GPHN: variants seen among roughly 807,000 people sequenced by gnomAD.
GPHN encodes the protein gephyrin.
A neutral mutation model predicts 95.5 loss-of-function variants in GPHN; 17 were observed. The ratio of observed to expected loss-of-function variants is 0.18; its 90% confidence interval spans 0.12 to 0.27. The LOEUF is 0.27. Among genes scored for constraint, GPHN ranks in the 10% least tolerant of loss-of-function variants. GPHN has a pLI of 1.00. For missense variants in GPHN, 660 were observed against 978.1 expected (o/e 0.67, Z 4.34); for synonymous variants, 320 against 322.5 (o/e 0.99, Z 0.08).
At chr14:67,648,210 G>GTT in the GPHN span, 1 of 1,604,524 alleles carries the variant, frequency 6.2e-7, no homozygotes, top group Non-Finnish European at 8.5e-7. Flanking sequence ...TCTGCAGCCT[G>GTT]TTAACTACAT....
At chr14:66,678,783 C>T (rs1208222890) in intron 1 of GPHN, among the ~76,000 whole-genome samples, 1 of 152,016 alleles carries the variant, frequency 6.6e-6, no homozygotes, top group African/African-American at 2.4e-5. Flanking sequence ...AGTGTTTTGG[C>T]TTTGGTTCAG....
chr14:66,620,277 G>A (rs2063236620), intron 1 of GPHN, among the ~76,000 whole-genome samples: 1 of 152,158 alleles, frequency 6.6e-6, no homozygotes, highest in Admixed American at 6.5e-5. Flanking sequence ...GAGGATACAG[G>A]CCTTTAGGTA....
intron 3 of GPHN, among the ~76,000 whole-genome samples, chr14:66,779,574 T>G (rs17103708): frequency 6.6e-6 from 1 of 152,092 alleles, no homozygotes; most frequent in East Asian, 1.9e-4. Flanking sequence ...CTGATGAAGA[T>G]AAACCAAGAG....
chr14:67,728,048 T>A, the GPHN span: 1 of 152,242 alleles, frequency 6.6e-6, no homozygotes. Flanking sequence ...CTCCCCTGAC[T>A]TCATCTTCTC....
At chr14:67,678,568 C>T in the GPHN span, 8 of 580,258 alleles carry the variant, frequency 1.4e-5, no homozygotes, top group Non-Finnish European at 2.5e-5. Context: ...CTTATCTCTT[C>T]ATTCTCCAGT....
intron 2 of GPHN, among the ~76,000 whole-genome samples, chr14:66,721,206 A>G (rs1398870938): frequency 6.6e-6 from 1 of 152,206 alleles, no homozygotes; most frequent in African/African-American, 2.4e-5. Context: ...ACTTTGGCCT[A>G]TATCAGATTG....
chr14:66,716,565 T>C (rs537555292), intron 2 of GPHN, among the ~76,000 whole-genome samples: 2 of 152,054 alleles, frequency 1.3e-5, no homozygotes, highest in African/African-American at 4.8e-5. Flanking sequence ...CCTTGGTTTT[T>C]TGTTTTGTTT....
At chr14:67,726,563 G>A in the GPHN span, among the ~76,000 whole-genome samples, 3 of 152,296 alleles carry the variant, frequency 2.0e-5, no homozygotes, top group African/African-American at 7.2e-5. Flanking sequence ...TACGAGGCAG[G>A]GTGGGGTTCA....
intron 1 of GPHN, among the ~76,000 whole-genome samples, chr14:66,598,924 A>G (rs1250960266): frequency 2.0e-5 from 3 of 151,736 alleles, no homozygotes; most frequent in African/African-American, 4.8e-5. Context: ...ACACTGGGAT[A>G]GTTTGGGAGG....
At chr14:67,495,494 T>C in the GPHN span, among the ~76,000 whole-genome samples, 8 of 152,290 alleles carry the variant, frequency 5.3e-5, no homozygotes, top group Admixed American at 5.2e-4. Flanking sequence ...GGATTTTTTT[T>C]TTTTTCAGAT....
chr14:67,429,591 C>T, the GPHN span, among the ~76,000 whole-genome samples: 7 of 151,922 alleles, frequency 4.6e-5, no homozygotes, highest in East Asian at 1.4e-3. Flanking sequence ...CAAAAATTGG[C>T]AAGGTGTGAT....
At chr14:67,585,791 T>G in the GPHN span, 1 of 1,001,188 alleles carries the variant, frequency 1.0e-6, no homozygotes, top group African/African-American at 1.6e-5. Context: ...ACCAGTCCTC[T>G]AGTCTAGACA....
intron 4 of GPHN, among the ~76,000 whole-genome samples, chr14:66,834,569 G>A (rs1232772448): frequency 4.0e-5 from 6 of 151,134 alleles, no homozygotes; most frequent in East Asian, 3.9e-4. Context: ...ATTGATTTGC[G>A]TATATTGAAC....
At chr14:66,620,867 G>T (rs181394059) in intron 1 of GPHN, among the ~76,000 whole-genome samples, 2 of 152,164 alleles carry the variant, frequency 1.3e-5, no homozygotes, top group African/African-American at 2.4e-5. Context: ...TACAATGGAG[G>T]TACAGGCATT....
At chr14:66,638,169 G>A (rs890803516) in intron 1 of GPHN, among the ~76,000 whole-genome samples, 2 of 151,978 alleles carry the variant, frequency 1.3e-5, no homozygotes, top group Admixed American at 6.6e-5. Context: ...TTATCAGCTA[G>A]CTTTCTTCAA....
the GPHN span, among the ~76,000 whole-genome samples, chr14:67,487,395 C>G: frequency 6.6e-6 from 1 of 152,182 alleles, no homozygotes; most frequent in Non-Finnish European, 1.5e-5. Context: ...ATCCACATGT[C>G]CAGGGTTAGG....
intron 2 of GPHN, among the ~76,000 whole-genome samples, chr14:66,691,587 A>G (rs2067785771): frequency 6.6e-6 from 1 of 152,226 alleles, no homozygotes; most frequent in Non-Finnish European, 1.5e-5. Context: ...GAACACAGCC[A>G]TGCATAGTGT....
intron 4 of GPHN, among the ~76,000 whole-genome samples, chr14:66,858,093 C>G (rs2062871805): frequency 6.6e-6 from 1 of 152,176 alleles, no homozygotes; most frequent in Non-Finnish European, 1.5e-5. Context: ...GCAGTCTGCG[C>G]TCCAAGAACT....
chr14:66,765,173 C>T (rs144280097), intron 2 of GPHN, among the ~76,000 whole-genome samples: 238 of 152,236 alleles, frequency 1.6e-3, no homozygotes, highest in African/African-American at 5.5e-3. Context: ...AGAACAGGTA[C>T]TGACAAGGTT....
Sources: allele counts gnomAD v4.1 joint callset (sites outside exome capture counted in the v4.1 genomes callset), GRCh38; gene constraint gnomAD v4.1.1; transcripts MANE v1.5; gene names NCBI Gene and HGNC (gene_info 2026-07-23, HGNC 2026-07-21).